GRM8: variants seen among roughly 807,000 people sequenced by gnomAD.
The protein encoded by GRM8 is metabotropic glutamate receptor 8.
GRM8 carries 47 observed loss-of-function variants against 87.2 expected under a neutral mutation model. That is an observed-to-expected ratio of 0.54 (90% CI 0.43 to 0.69). GRM8 has a LOEUF of 0.69. Among genes scored for constraint, GRM8 ranks in the 30% least tolerant of loss-of-function variants. The pLI is 0.00. For synonymous variants in GRM8, 396 were observed against 404.5 expected, an observed-to-expected ratio of 0.98 and a Z score of 0.25; for missense variants, 1,019 against 1,139.2, an observed-to-expected ratio of 0.89 and a Z score of 1.52.
chr7:127,180,926 A>G (rs1398172536), intron 2 of GRM8, among the ~76,000 whole-genome samples: 1 of 152,114 alleles, frequency 6.6e-6, no homozygotes, highest in Non-Finnish European at 1.5e-5. Context: ...CACTCTAAGA[A>G]CTGGAACAAG....
chr7:126,732,471 C>T (rs1014248155), intron 7 of GRM8, among the ~76,000 whole-genome samples: 24 of 152,082 alleles, frequency 1.6e-4, no homozygotes, highest in Admixed American at 7.9e-4. Context: ...ATTCATATCC[C>T]AAATTAGAGG....
chr7:127,059,274 C>T (rs1252121303), intron 3 of GRM8, among the ~76,000 whole-genome samples: 3 of 151,448 alleles, frequency 2.0e-5, no homozygotes, highest in Non-Finnish European at 4.4e-5. Flanking sequence ...AGACTAAATC[C>T]GTCATTTTGT....
intron 6 of GRM8, among the ~76,000 whole-genome samples, chr7:126,871,637 G>C (rs1799107060): frequency 1.3e-5 from 2 of 152,078 alleles, no homozygotes; most frequent in African/African-American, 4.8e-5. Flanking sequence ...ATTTTACTTT[G>C]TTCTCTATGT....
rs1157527693 is a variant in GRM8 at position 126,643,290 on chromosome 7, CAAAAAAAAAAAAA to C, written c.1358-33805_1358-33793del. Among the ~76,000 whole-genome samples, 6 of 20,116 alleles carry C rather than the reference CAAAAAAAAAAAAA, an allele frequency of 3.0e-4. No individual in the cohort carries two copies. In the East Asian group the frequency reaches 3.7e-3, roughly 12 times the overall value. 13.2% of individuals were successfully genotyped at this position (20,116 alleles called of 152,430 possible). On this transcript the variant is annotated intron_variant, in intron 7 of 10. Coordinates refer to ENST00000339582, the MANE Select transcript of GRM8 (RefSeq NM_000845.3). ...TGGGTGACAGAGTGAGAACTTGTCT[CAAAAAAAAAAAAA>C]AAAAAAAAAAAAAAAAATATATATA...
intron 6 of GRM8, among the ~76,000 whole-genome samples, chr7:126,829,072 T>C (rs1431006750): frequency 2.0e-5 from 3 of 152,104 alleles, no homozygotes; most frequent in Admixed American, 6.6e-5. Flanking sequence ...AGAGATAGTT[T>C]GTTATAATTT....
At position 126,609,345 on chromosome 7, in the gene GRM8, T is replaced by C. The variant is rs1435752293; in HGVS notation, c.1494+17A>G. The C allele has an allele frequency of 6.2e-7, 1 of 1,605,784 alleles. No individual in the cohort carries two copies. The highest frequency in any genetic ancestry group is 8.5e-7 in the Non-Finnish European group (1 of 1,173,182). ...GGAGAGCTATATACATTAATATATGTTTATGACGATACTTGCTTTTAGATG... is the reference window on the plus strand; with the variant it reads ...GGAGAGCTATATACATTAATATATGCTTATGACGATACTTGCTTTTAGATG... On this transcript the variant is annotated intron_variant, in intron 8 of 10. Coordinates refer to ENST00000339582, the MANE Select transcript of GRM8 (RefSeq NM_000845.3).
intron 3 of GRM8, among the ~76,000 whole-genome samples, chr7:127,039,584 T>C (rs1818157506): frequency 7.2e-6 from 1 of 138,410 alleles, no homozygotes; most frequent in Admixed American, 7.7e-5. Flanking sequence ...AAACTGTGAG[T>C]CCACAATGCT....
At chr7:126,441,304 CAAAT>C (rs1238122373) in intron 10 of GRM8, among the ~76,000 whole-genome samples, 1 of 151,944 alleles carries the variant, frequency 6.6e-6, no homozygotes, top group African/African-American at 2.4e-5. Flanking sequence ...AATAAAGACT[CAAAT>C]AAAGAAATGT....
At chr7:126,785,803 A>G (rs1026897395) in intron 6 of GRM8, among the ~76,000 whole-genome samples, 1 of 152,026 alleles carries the variant, frequency 6.6e-6, no homozygotes, top group Admixed American at 6.6e-5. Context: ...GTGCCGCTGC[A>G]CCCTTCCTGC....
intron 9 of GRM8, among the ~76,000 whole-genome samples, chr7:126,507,602 T>G (rs1343828737): frequency 6.6e-6 from 1 of 152,096 alleles, no homozygotes; most frequent in Non-Finnish European, 1.5e-5. Flanking sequence ...GATTCTTTAC[T>G]GGTACTTTTT....
chr7:126,673,356 G>A (rs933521973), intron 7 of GRM8, among the ~76,000 whole-genome samples: 1 of 152,176 alleles, frequency 6.6e-6, no homozygotes, highest in Non-Finnish European at 1.5e-5. Context: ...GCAATTTAGG[G>A]AAATACTTTC....
At chr7:126,479,063 GA>G (rs1241273480) in intron 9 of GRM8, among the ~76,000 whole-genome samples, 1 of 151,896 alleles carries the variant, frequency 6.6e-6, no homozygotes, top group Non-Finnish European at 1.5e-5. Flanking sequence ...TCTTTTGCTT[GA>G]AATTTTGACA....
chr7:127,054,399 T>C (rs1819779628), intron 3 of GRM8, among the ~76,000 whole-genome samples: 1 of 152,246 alleles, frequency 6.6e-6, no homozygotes, highest in South Asian at 2.1e-4. Context: ...GTACCTATTT[T>C]ATCCCACTAA....
chr7:127,198,192 T>C (rs2116534561), intron 2 of GRM8, among the ~76,000 whole-genome samples: 2 of 152,368 alleles, frequency 1.3e-5, no homozygotes, highest in Middle Eastern at 6.8e-3. Context: ...CATCACCTCA[T>C]TTATCTGTGT....
At chr7:126,907,658 C>T (rs1802859050) in intron 3 of GRM8, among the ~76,000 whole-genome samples, 1 of 152,150 alleles carries the variant, frequency 6.6e-6, no homozygotes, top group Non-Finnish European at 1.5e-5. Flanking sequence ...TTAACTTTCT[C>T]ACTAAATGTT....
At chr7:126,636,386 T>C (rs1331035594) in intron 7 of GRM8, among the ~76,000 whole-genome samples, 1 of 152,084 alleles carries the variant, frequency 6.6e-6, no homozygotes, top group East Asian at 1.9e-4. Flanking sequence ...ATATAACCTA[T>C]GTACATCCTC....
intron 6 of GRM8, among the ~76,000 whole-genome samples, chr7:126,853,310 G>A (rs904481440): frequency 2.6e-5 from 4 of 152,038 alleles, no homozygotes; most frequent in Non-Finnish European, 4.4e-5. Flanking sequence ...GATGGAGGTC[G>A]CAAGGTGTTT....
chr7:126,606,012 T>C (rs138754556), intron 8 of GRM8, among the ~76,000 whole-genome samples: 70 of 152,328 alleles, frequency 4.6e-4, no homozygotes, highest in African/African-American at 1.5e-3. Context: ...GAGCACAGAC[T>C]GAATTTCCCA....
At chr7:126,942,664 C>T (rs1169101993) in intron 3 of GRM8, among the ~76,000 whole-genome samples, 1 of 152,156 alleles carries the variant, frequency 6.6e-6, no homozygotes, top group Non-Finnish European at 1.5e-5. Context: ...CCCAGTGCAG[C>T]TAGGATTGGA....
Sources: gnomAD v4.1 joint callset for allele counts (sites outside exome capture counted in the v4.1 genomes callset) on GRCh38, gnomAD v4.1.1 for gene constraint, MANE v1.5 for transcripts, NCBI Gene and HGNC (gene_info 2026-07-23, HGNC 2026-07-21) for gene names.